The following SP140L variants were observed in gnomAD, a reference collection of about 807,000 sequenced individuals.
SP140L encodes the protein SP140 like nuclear body protein.
SP140L carries 64 observed loss-of-function variants against 84.3 expected under a neutral mutation model. The observed-to-expected ratio is 0.76, with a 90% CI of 0.62 to 0.94. SP140L has a LOEUF of 0.94. Ranked by LOEUF, SP140L falls within the 40% of genes least tolerant of loss-of-function variation. The pLI, the probability that SP140L is intolerant of heterozygous loss-of-function variation, is 0.00. For missense variants in SP140L, 628 were observed against 692.5 expected (o/e 0.91, Z 1.05); for synonymous variants, 242 against 236.9 (o/e 1.02, Z -0.20).
rs145777647 is a variant in SP140L, at chr2:230,342,747, T to C, written c.107+13916T>C. ...GTGTTATTAGTTGTAATCTTTCCTGTCTCATTTATAAGTTTTAAGTTCTGT... is the reference window on the plus strand; with the variant it reads ...GTGTTATTAGTTGTAATCTTTCCTGCCTCATTTATAAGTTTTAAGTTCTGT... On this transcript the variant is annotated intron_variant, in intron 2 of 18. Transcript: ENST00000415673. Among the ~76,000 whole-genome samples, 931 of 152,338 alleles carry C rather than the reference T, an allele frequency of 6.1e-3. 4 individuals are homozygous for C. The highest frequency in any genetic ancestry group is 0.011 in the Non-Finnish European group (731 of 68,024).
intron 2 of SP140L, among the ~76,000 whole-genome samples, chr2:230,329,978 T>G (rs1575420195): frequency 6.6e-6 from 1 of 152,184 alleles, no homozygotes; most frequent in East Asian, 1.9e-4. Flanking sequence ...TTTTTAGGTT[T>G]TTGTGCAATG....
At chr2:230,327,602 A>G (rs534537078) in intron 1 of SP140L, among the ~76,000 whole-genome samples, 7 of 152,066 alleles carry the variant, frequency 4.6e-5, no homozygotes, top group Non-Finnish European at 8.8e-5. Context: ...TGTGACTGAG[A>G]GTTATTATTT....
chr2:230,330,704 A>G (rs550348533), intron 2 of SP140L, among the ~76,000 whole-genome samples: 1 of 152,176 alleles, frequency 6.6e-6, no homozygotes, highest in Non-Finnish European at 1.5e-5. Flanking sequence ...TGATATCTTT[A>G]TGCTATTATT....
intron 11 of SP140L, chr2:230,391,883 C>A (rs984727126): frequency 8.4e-6 from 5 of 594,360 alleles, no homozygotes; most frequent in South Asian, 7.5e-5. Context: ...AGGTCAAAGA[C>A]ATGTGCACCC....
At chr2:230,399,147 A>G (rs1422554531) in intron 14 of SP140L, among the ~76,000 whole-genome samples, 4 of 152,198 alleles carry the variant, frequency 2.6e-5, no homozygotes, top group Non-Finnish European at 5.9e-5. Flanking sequence ...TCATGAATAC[A>G]CTTGCATTTG....
chr2:230,388,496 GCAGCAATATATGTAACA>G (rs1559453581), intron 9 of SP140L, 46 bp from the exon 10 acceptor site: 3 of 1,349,744 alleles, frequency 2.2e-6, no homozygotes, highest in Non-Finnish European at 3.0e-6. Context: ...TTTTTGAAAA[GCAGCAATATATGTAACA>G]CAGCTGCTCA....
At chr2:230,379,382 G>T (rs952060353) in intron 7 of SP140L, among the ~76,000 whole-genome samples, 3 of 152,016 alleles carry the variant, frequency 2.0e-5, no homozygotes. Flanking sequence ...CAAAATTTCT[G>T]TAATCTTATT....
At chr2:230,354,843 AGAAAG>A (rs2060471222) in intron 2 of SP140L, among the ~76,000 whole-genome samples, 2 of 126,304 alleles carry the variant, frequency 1.6e-5, no homozygotes, top group Admixed American at 8.0e-5. Context: ...CAAGAAAGAA[AGAAAG>A]GAAAGAAAGA....
At chr2:230,343,291 T>G (rs1022410898) in intron 2 of SP140L, among the ~76,000 whole-genome samples, 1 of 147,780 alleles carries the variant, frequency 6.8e-6, no homozygotes, top group Non-Finnish European at 1.5e-5. Flanking sequence ...TGTTCATGTG[T>G]TCTCAACATT....
At chr2:230,327,358 T>A (rs1478365622) in intron 1 of SP140L, 57 bp downstream of exon 1, 2 of 1,572,466 alleles carry the variant, frequency 1.3e-6, no homozygotes, top group Non-Finnish European at 1.7e-6. Flanking sequence ...GGAGCTTTCA[T>A]GCCTGTAGTT....
At chr2:230,331,615 A>G (rs183260270) in intron 2 of SP140L, among the ~76,000 whole-genome samples, 12 of 152,354 alleles carry the variant, frequency 7.9e-5, no homozygotes. Flanking sequence ...AAAAATTCTT[A>G]ATGATCCCAG....
Position 230,402,905 on chromosome 2 carries a change from G to A in SP140L, c.*9G>A, listed in dbSNP as rs375722526. On this transcript the variant is annotated 3_prime_UTR_variant, in exon 19 of 19. Transcript: ENST00000415673. ...CAAATGGGAACAGTTGACTGGTTTA[G>A]TGGATGCTGAAGGCCTTCAGGAAAT... 3.1e-6 allele frequency: 5 copies of A among 1,602,042 alleles called. No homozygotes were observed. Among genetic ancestry groups the A allele is most frequent in the South Asian group, 1.1e-5 (1 of 88,344 alleles).
intron 2 of SP140L, among the ~76,000 whole-genome samples, chr2:230,352,444 G>A (rs903141559): frequency 1.3e-5 from 2 of 152,174 alleles, no homozygotes; most frequent in Admixed American, 6.5e-5. Flanking sequence ...GAGAGAGGGA[G>A]TGAGAGACAG....
intron 1 of SP140L, 31 bp from the exon 2 acceptor site, chr2:230,328,723 CTTG>C (rs1324779397): frequency 1.9e-6 from 3 of 1,604,948 alleles, no homozygotes; most frequent in Non-Finnish European, 2.6e-6. Context: ...CTGTTATTTA[CTTG>C]TTTATAGATC....
At chr2:230,343,927 T>C (rs574583465) in intron 2 of SP140L, among the ~76,000 whole-genome samples, 2 of 151,998 alleles carry the variant, frequency 1.3e-5, no homozygotes, top group Admixed American at 6.6e-5. Context: ...TGCTGAGGAG[T>C]ATTTTACTTC....
intron 12 of SP140L, 101 bp from the exon 13 acceptor site, chr2:230,393,313 T>G: frequency 7.5e-7 from 1 of 1,338,548 alleles, no homozygotes; most frequent in Non-Finnish European, 1.0e-6. Flanking sequence ...GAGCTGGCAT[T>G]GGAACACTCA....
intron 1 of SP140L, among the ~76,000 whole-genome samples, chr2:230,327,633 C>T (rs967272142): frequency 2.0e-5 from 3 of 152,152 alleles, no homozygotes; most frequent in African/African-American, 7.2e-5. Context: ...ATGAGGAACA[C>T]AAATTATATG....
rs774941818 is a variant in SP140L at position 230,400,996 on chromosome 2, C to T, written c.1355C>T (p.Pro452Leu). ...ATCTTCTGCAGGATGAAGGAGTCTC[C>T]GGGAAGCCAACAGTGTTGTCAGGAA... ...NCIFCRMKES[P>L]GSQQCCQESE... The change falls in exon 16 of 19, where the codon CCG (proline) becomes CTG (leucine). Residue 452 changes from proline (P) to leucine (L), a missense_variant. Around this residue, in one of 4 missense-constraint regions of SP140L, gnomAD observed 52 missense variants for 87.0 expected, o/e 0.60. Coordinates refer to ENST00000415673, the MANE Select transcript of SP140L (RefSeq NM_138402.6). The T allele has an allele frequency of 6.2e-5, 95 of 1,527,630 alleles. No individual in the cohort carries two copies. The highest frequency in any genetic ancestry group is 2.2e-4 in the Middle Eastern group (1 of 4,474). The allele number at this position is 1,527,630 out of a possible 1,614,324, so 94.6% of individuals were successfully genotyped here.
intron 2 of SP140L, among the ~76,000 whole-genome samples, chr2:230,335,597 TG>T (rs1283788365): frequency 6.6e-6 from 1 of 152,222 alleles, no homozygotes; most frequent in Non-Finnish European, 1.5e-5. Context: ...AGTCTACTGT[TG>T]TTTTTTTTGT....
Sources: allele counts gnomAD v4.1 joint callset (sites outside exome capture counted in the v4.1 genomes callset), GRCh38; gene constraint gnomAD v4.1.1; regional missense constraint gnomAD v4.1.1; transcripts MANE v1.5; gene names NCBI Gene and HGNC (gene_info 2026-07-23, HGNC 2026-07-21).